The following SAFB variants were observed in gnomAD, a reference collection of about 807,000 sequenced individuals.
SAFB encodes the protein scaffold attachment factor B1.
In SAFB, 15 loss-of-function variants were observed where a neutral mutation model predicts 101.6. That is an observed-to-expected ratio of 0.15 (90% CI 0.10 to 0.23). The LOEUF is 0.23. Ranked by LOEUF, SAFB falls within the 10% of genes least tolerant of loss-of-function variation. The probability of loss-of-function intolerance (pLI) is 1.00; values close to 1 mark genes in which losing one functional copy is unlikely to be tolerated. For synonymous variants in SAFB, 449 were observed against 407.5 expected, an observed-to-expected ratio of 1.10 and a Z score of -1.23; for missense variants, 930 against 1,104.1, an observed-to-expected ratio of 0.84 and a Z score of 2.23.
intron 14 of SAFB, among the ~76,000 whole-genome samples, chr19:5,660,768 A>T (rs888461229): frequency 6.7e-5 from 10 of 149,618 alleles, no homozygotes; most frequent in African/African-American, 2.5e-4. Flanking sequence ...ATATACAAAG[A>T]CTGGAGAAAT....
chr19:5,662,195 C>G lies in SAFB; in HGVS notation c.2153+387C>G, dbSNP rs532382416. On this transcript the variant is annotated intron_variant, in intron 15 of 20. Transcript: ENST00000588852. Reference sequence around the variant, plus strand: ...CCACCGCGACCGGCCAGCTTGAGATCTTTCATTCAAAGGAAGCATAGGCCG... The same window carrying G: ...CCACCGCGACCGGCCAGCTTGAGATGTTTCATTCAAAGGAAGCATAGGCCG... Among the ~76,000 whole-genome samples, 6 of 152,198 alleles carry G rather than the reference C, an allele frequency of 3.9e-5. No homozygotes were observed. The South Asian group carries it at 1.3e-3, about 32-fold the overall frequency.
At chr19:5,649,596 G>A (rs1292483250) in intron 7 of SAFB, 97 bp downstream of exon 7, 2 of 502,552 alleles carry the variant, frequency 4.0e-6, no homozygotes, top group Admixed American at 3.8e-5. Flanking sequence ...TGGCCAGCCA[G>A]ACTGACGAAA....
intron 2 of SAFB, among the ~76,000 whole-genome samples, chr19:5,627,305 C>G (rs1277013599): frequency 6.6e-6 from 1 of 151,624 alleles, no homozygotes; most frequent in Non-Finnish European, 1.5e-5. Flanking sequence ...CCTCTATCCA[C>G]TGCCAAAAAA....
chr19:5,667,222 A>G lies in SAFB; in HGVS notation c.2453+58A>G. Reference sequence around the variant, plus strand: ...CCCCCCCGCCCACAAGGGGGCCCGCAAGTCGCTGGGATGTGGGCACAGGGT... The same window carrying G: ...CCCCCCCGCCCACAAGGGGGCCCGCGAGTCGCTGGGATGTGGGCACAGGGT... On this transcript the variant is annotated intron_variant, in intron 18 of 20. Coordinates refer to ENST00000588852, the MANE Select transcript of SAFB (RefSeq NM_001201338.2). The surrounding 1 kb of genome is among the most constrained non-coding windows in gnomAD (Gnocchi z 4.0). The G allele has an allele frequency of 8.1e-7, 1 of 1,230,164 alleles. No individual in the cohort carries two copies. The highest frequency in any genetic ancestry group is 1.1e-6 in the Non-Finnish European group (1 of 878,356). The allele number at this position is 1,230,164 out of a possible 1,614,324, so 76.2% of individuals were successfully genotyped here. A position where few individuals can be genotyped will look rare whatever the true frequency, so the allele number is the denominator to read the frequency against.
intron 15 of SAFB, among the ~76,000 whole-genome samples, chr19:5,662,265 G>A (rs114798326): frequency 0.055 from 8,390 of 152,212 alleles, 468 homozygotes; most frequent in African/African-American, 0.14. Context: ...TGGGAGGCCA[G>A]GGTGGGCGGA....
intron 6 of SAFB, 147 bp from the exon 7 acceptor site, chr19:5,648,842 C>T: frequency 1.8e-6 from 1 of 552,178 alleles, no homozygotes; most frequent in Non-Finnish European, 3.3e-6. Context: ...ACCAGTATAA[C>T]TTTGTGTACC....
At chr19:5,629,707 A>G (rs2053447715) in intron 2 of SAFB, among the ~76,000 whole-genome samples, 1 of 152,230 alleles carries the variant, frequency 6.6e-6, no homozygotes, top group African/African-American at 2.4e-5. Flanking sequence ...AACTTAGTGA[A>G]AGGAGAATTC....
chr19:5,665,202 CCTCAGGAATT>C (rs2054301153), intron 17 of SAFB: 2 of 152,216 alleles, frequency 1.3e-5, no homozygotes, highest in Non-Finnish European at 2.9e-5. Flanking sequence ...GTCTCGGGAT[CCTCAGGAATT>C]CCATCAGCCT....
chr19:5,633,634 G>C (rs184926886), intron 2 of SAFB, among the ~76,000 whole-genome samples: 1 of 152,008 alleles, frequency 6.6e-6, no homozygotes, highest in Non-Finnish European at 1.5e-5. Flanking sequence ...AAAAAATTAG[G>C]CAGGCGTGGT....
At chr19:5,668,095 G>C in intron 20 of SAFB, 67 bp from the exon 21 acceptor site, 3 of 1,573,628 alleles carry the variant, frequency 1.9e-6, no homozygotes, top group Middle Eastern at 1.7e-4. Context: ...CAGGGAAGCT[G>C]TGCAGGCTGG....
At chr19:5,656,541 G>A (rs955051403) in intron 13 of SAFB, among the ~76,000 whole-genome samples, 10 of 150,724 alleles carry the variant, frequency 6.6e-5, no homozygotes, top group African/African-American at 2.4e-4. Context: ...CTCCCAAAGT[G>A]GTAGGATTAT....
intron 11 of SAFB, among the ~76,000 whole-genome samples, chr19:5,653,671 G>A (rs1388398799): frequency 1.3e-5 from 2 of 152,052 alleles, no homozygotes; most frequent in Non-Finnish European, 2.9e-5. Flanking sequence ...CACCATATTG[G>A]CCAGGCTGGT....
At chr19:5,653,024 G>C in intron 9 of SAFB, 91 bp from the exon 10 acceptor site, 3 of 1,340,810 alleles carry the variant, frequency 2.2e-6, no homozygotes, top group South Asian at 2.6e-5. Context: ...TCGGACCCCT[G>C]ATGAGCAGAC....
chr19:5,667,973 C>A lies in SAFB; in HGVS notation c.2624+87C>A. ...AGGCTTAACAACCAAGTCCTTCCAG[C>A]TAGTGCCCCTCCCCCCAAGGGTGAC... is the stretch of plus-strand genomic sequence containing the variant. On this transcript the variant is annotated intron_variant, in intron 20 of 20. Transcript: ENST00000588852. This position sits in a 1 kb window ranked among gnomAD's most constrained non-coding sequence, Gnocchi z 4.0. 6.9e-7 allele frequency: 1 copy of A among 1,449,038 alleles called. No individual in the cohort carries two copies. Among genetic ancestry groups the A allele is most frequent in the Non-Finnish European group, 9.4e-7 (1 of 1,066,450 alleles). 89.8% of individuals were successfully genotyped at this position (1,449,038 alleles called of 1,614,324 possible).
intron 11 of SAFB, 52 bp downstream of exon 11, chr19:5,653,472 T>C (rs753792432): frequency 6.5e-7 from 1 of 1,543,184 alleles, no homozygotes; most frequent in East Asian, 2.3e-5. Flanking sequence ...TTTGTTGTTG[T>C]TGTTTTGTTT....
chr19:5,643,887 G>A (rs942532622), intron 4 of SAFB, among the ~76,000 whole-genome samples: 8 of 151,910 alleles, frequency 5.3e-5, no homozygotes, highest in Admixed American at 4.6e-4. Flanking sequence ...TTCAGAGGTA[G>A]ATTCTGGAGA....
intron 2 of SAFB, among the ~76,000 whole-genome samples, chr19:5,631,457 A>C (rs912139278): frequency 5.9e-5 from 9 of 152,152 alleles, no homozygotes; most frequent in African/African-American, 2.2e-4. Context: ...GCAGGTCGGT[A>C]AGTTTTCTTG....
chr19:5,627,564 C>T (rs1475197624), intron 2 of SAFB, among the ~76,000 whole-genome samples: 2 of 152,138 alleles, frequency 1.3e-5, no homozygotes, highest in East Asian at 3.8e-4. Context: ...TTAAAAGCAG[C>T]TTATACAGTA....
intron 9 of SAFB, among the ~76,000 whole-genome samples, chr19:5,651,320 G>A (rs1203064499): frequency 6.6e-6 from 1 of 152,198 alleles, no homozygotes; most frequent in East Asian, 1.9e-4. Flanking sequence ...ATGGCTCGTG[G>A]ATCCATTTCT....
Sources: gnomAD v4.1 joint callset for allele counts (sites outside exome capture counted in the v4.1 genomes callset) on GRCh38, gnomAD v4.1.1 for gene constraint, Gnocchi (gnomAD v3.1) non-coding constraint, MANE v1.5 for transcripts, NCBI Gene and HGNC (gene_info 2026-07-23, HGNC 2026-07-21) for gene names.